Variants in NOL6 observed in about 807,000 individuals in gnomAD.
The protein encoded by NOL6 is nucleolar RNA-associated protein.
Under a neutral mutation model 131.7 loss-of-function variants are expected in NOL6, and 33 were observed. The observed-to-expected ratio is 0.25, with a 90% CI of 0.19 to 0.33. The LOEUF (loss-of-function observed/expected upper bound fraction) is 0.33. Ranked by LOEUF, NOL6 falls within the 10% of genes least tolerant of loss-of-function variation. NOL6 has a pLI of 1.00. For synonymous variants in NOL6, 580 were observed against 605.7 expected, an observed-to-expected ratio of 0.96 and a Z score of 0.62; for missense variants, 1,297 against 1,494.5, an observed-to-expected ratio of 0.87 and a Z score of 2.18.
chr9:33,473,725 C>G (rs1464996180), intron 1 of NOL6, 64 bp downstream of exon 1: 6 of 1,582,868 alleles, frequency 3.8e-6, no homozygotes, highest in Non-Finnish European at 4.3e-6. Flanking sequence ...ATCACGCCAT[C>G]TCGGGCCCTG....
intron 23 of NOL6, 81 bp downstream of exon 23, chr9:33,463,750 C>G: frequency 6.9e-7 from 1 of 1,439,206 alleles, no homozygotes; most frequent in Non-Finnish European, 9.7e-7. Context: ...GGGACCGGGT[C>G]TCCTGTGAGA....
In NOL6 at chr9:33,468,022, A is replaced by G. The variant is rs767456903; in HGVS notation, c.1424+8T>C. 29 of 1,613,964 alleles carry G rather than the reference A, an allele frequency of 1.8e-5. No individual in the cohort carries two copies. The South Asian group carries it at 2.2e-4, about 12-fold the overall frequency. On this transcript the variant is annotated splice_region_variant and intron_variant, in intron 11 of 25. Transcript: ENST00000297990. ...CCCGCCAACATACCCTGTCACCCCT[A>G]AACTCACTGCAGGACATGGTCAAAA... is the stretch of plus-strand genomic sequence containing the variant.
chr9:33,465,589 C>G lies in NOL6; in HGVS notation c.2528+145G>C. On this transcript the variant is annotated intron_variant, in intron 19 of 25. Coordinates refer to ENST00000297990, the MANE Select transcript of NOL6 (RefSeq NM_022917.5). ...GGGTCACAGTCAGTAAGTGGCAGAG[C>G]CAGGATTCCAGAACCTGCCTGACTC... is the stretch of plus-strand genomic sequence containing the variant. 2.8e-6 allele frequency: 3 copies of G among 1,055,426 alleles called. No homozygotes were observed. The South Asian group carries it at 5.0e-5, about 18-fold the overall frequency. The allele number at this position is 1,055,426 out of a possible 1,614,324, so 65.4% of individuals were successfully genotyped here. A position where few individuals can be genotyped will look rare whatever the true frequency, so the allele number is the denominator to read the frequency against.
Position 33,472,234 on chromosome 9 carries a change from A to G in NOL6, c.233T>C (p.Leu78Ser). Residue 78 changes from leucine (L) to serine (S), a missense_variant, in exon 2 of 26, where the codon TTG becomes TCG. By Grantham distance (145) the Leu-to-Ser change is moderately radical. Coordinates refer to ENST00000297990, the MANE Select transcript of NOL6 (RefSeq NM_022917.5). ...TAAACGAAGCAAGCTGGAGTGGAAC[A>G]AGATCTCAGTCTCCCGAAGGCGATT... is the stretch of plus-strand genomic sequence containing the variant. Reference protein sequence around the residue: ...ELNRLRETEILFHSSLLRLQV... With the variant: ...ELNRLRETEISFHSSLLRLQV... 1.2e-6 allele frequency: 2 copies of G among 1,614,234 alleles called. No individual in the cohort carries two copies. Among genetic ancestry groups the G allele is most frequent in the Non-Finnish European group, 1.7e-6 (2 of 1,180,036 alleles).
chr9:33,465,467 C>A, intron 19 of NOL6, 108 bp from the exon 20 acceptor site: 3 of 1,266,802 alleles, frequency 2.4e-6, no homozygotes, highest in Non-Finnish European at 3.2e-6. Context: ...TATGTAATCT[C>A]ATATTCTCTT....
rs370915912 is a variant in NOL6 at position 33,470,057 on chromosome 9, G to A, written c.513C>T (p.Cys171=). 139 of 1,612,064 alleles carry A rather than the reference G, an allele frequency of 8.6e-5. 3 individuals carry two copies. The South Asian group carries it at 1.4e-3, about 16-fold the overall frequency. Reference sequence around the variant, plus strand: ...CATCCACATTGATGTCTGGTCGGATGCAGGTGCCCAGAAGGTAGCTGCCCA... The same window carrying A: ...CATCCACATTGATGTCTGGTCGGATACAGGTGCCCAGAAGGTAGCTGCCCA... The part of the protein sequence containing the change: ...TVVGSYLLGT[C]IRPDINVDVA... The change falls in exon 4 of 26, where the codon TGC becomes TGT. Residue 171 remains cysteine, a synonymous_variant. Coordinates refer to ENST00000297990, the MANE Select transcript of NOL6 (RefSeq NM_022917.5).
chr9:33,472,435 C>A (rs750876746), intron 1 of NOL6, 23 bp from the exon 2 acceptor site: 2 of 1,599,110 alleles, frequency 1.3e-6, no homozygotes, highest in Admixed American at 3.4e-5. Flanking sequence ...AGGGAGAAGC[C>A]ATTTTGAGGT....
At chr9:33,468,447 G>A (rs749969841) in intron 9 of NOL6, 25 bp from the exon 10 acceptor site, 4 of 1,613,912 alleles carry the variant, frequency 2.5e-6, no homozygotes, top group South Asian at 1.1e-5. Context: ...AGAGAAGCAG[G>A]TCAGGATTGG....
At chr9:33,463,001 C>A (rs1321018928) in intron 25 of NOL6, 32 bp downstream of exon 25, 1 of 1,598,986 alleles carries the variant, frequency 6.3e-7, no homozygotes, top group Non-Finnish European at 8.6e-7. Context: ...CGTGCACACA[C>A]TCAGGAACAC....
chr9:33,468,031 G>A lies in NOL6; in HGVS notation c.1423C>T (p.His475Tyr). The change falls in exon 11 of 26, where the codon CAT (histidine) becomes TAT (tyrosine). Residue 475 changes from histidine (H) to tyrosine (Y), a missense_variant and splice_region_variant. Physicochemically the swap from His to Tyr is moderately conservative, Grantham distance 83. Transcript: ENST00000297990. ...ATACCCTGTCACCCCTAAACTCACT[G>A]CAGGACATGGTCAAAAGCCCGGATC... is the stretch of plus-strand genomic sequence containing the variant. ...PMIRAFDHVLHLRPLSRLQAA... is the reference protein window; with the variant it reads ...PMIRAFDHVLYLRPLSRLQAA... The A allele has an allele frequency of 6.2e-7, 1 of 1,614,116 alleles. No individual in the cohort carries two copies. Among genetic ancestry groups the A allele is most frequent in the Non-Finnish European group, 8.5e-7 (1 of 1,180,038 alleles).
At chr9:33,472,483 T>C in intron 1 of NOL6, 71 bp from the exon 2 acceptor site, 1 of 1,251,718 alleles carries the variant, frequency 8.0e-7, no homozygotes, top group Non-Finnish European at 1.1e-6. Context: ...AGTGCCACCA[T>C]GATAGGTTGT....
chr9:33,462,928 C>T, intron 25 of NOL6, 105 bp downstream of exon 25: 1 of 1,542,598 alleles, frequency 6.5e-7, no homozygotes, highest in South Asian at 1.2e-5. Context: ...ATACACTCCG[C>T]ACCTGACACG....
At position 33,467,672 on chromosome 9, in the gene NOL6, C is replaced by T. The variant is rs1827284306; in HGVS notation, c.1602+19G>A. 2.6e-6 allele frequency: 4 copies of T among 1,547,418 alleles called. No homozygotes were observed. Among genetic ancestry groups the T allele is most frequent in the Admixed American group, 1.9e-5 (1 of 51,316 alleles). ...CCAGCCCAACTCAGACCCAAACTCCCCAACCTACACCACCTCACCTCTGGG... is the reference window on the plus strand; with the variant it reads ...CCAGCCCAACTCAGACCCAAACTCCTCAACCTACACCACCTCACCTCTGGG... On this transcript the variant is annotated intron_variant, in intron 12 of 25. Transcript: ENST00000297990. This position sits in a 1 kb window ranked among gnomAD's most constrained non-coding sequence, Gnocchi z 4.4.
chr9:33,463,904 A>G lies in NOL6; in HGVS notation c.2921T>C (p.Val974Ala), dbSNP rs773905012. The change falls in exon 23 of 26, where the codon GTG becomes GCG. Residue 974 changes from valine to alanine, a missense_variant. Coordinates refer to ENST00000297990, the MANE Select transcript of NOL6 (RefSeq NM_022917.5). Reference protein sequence around the residue: ...GPSAQILQQLVVLAAEALPML... With the variant: ...GPSAQILQQLAVLAAEALPML... The stretch of plus-strand genomic sequence containing the variant: ...GGGCAGGGCTTCAGCTGCCAGGACC[A>G]CAAGCTGCTGCAGGATCTGCGGGGT... The G allele has an allele frequency of 3.1e-6, 5 of 1,614,126 alleles. No homozygotes were observed. The highest frequency in any genetic ancestry group is 3.4e-6 in the Non-Finnish European group (4 of 1,180,016).
At position 33,469,293 on chromosome 9, in the gene NOL6, G is replaced by A; in HGVS notation, c.776C>T (p.Pro259Leu). 1 of 1,614,200 alleles carries A rather than the reference G, an allele frequency of 6.2e-7. No homozygotes were observed. The highest frequency in any genetic ancestry group is 8.5e-7 in the Non-Finnish European group (1 of 1,180,028). ...VTVRLHPCPP[P>L]DFFRPCRLLP... ...CAAGCGGCACGGGCGGAAGAAGTCA[G>A]GTGGAGGGCACGGATGCAGACGTAC... Residue 259 changes from proline to leucine, a missense_variant, in exon 6 of 26, where the codon CCT (proline) becomes CTT (leucine). Pro to Leu is a moderately conservative substitution (Grantham distance 98). Coordinates refer to ENST00000297990, the MANE Select transcript of NOL6 (RefSeq NM_022917.5).
In NOL6 at chr9:33,466,858, CT is replaced by C. The variant is rs1587219382; in HGVS notation, c.1950+53del. The C allele has an allele frequency of 2.5e-6, 4 of 1,591,148 alleles. No individual in the cohort carries two copies. The East Asian group carries it at 9.0e-5, about 36-fold the overall frequency. Reference sequence around the variant, plus strand: ...AGCTGGCCAAGGCTGAGAGGACTCTCTCCCCGCAGATTGATTACTCTACAAT... The same window carrying C: ...AGCTGGCCAAGGCTGAGAGGACTCTCCCCCGCAGATTGATTACTCTACAAT... On this transcript the variant is annotated intron_variant, in intron 15 of 25. Coordinates refer to ENST00000297990, the MANE Select transcript of NOL6 (RefSeq NM_022917.5).
In NOL6 at chr9:33,472,103, C is replaced by T. The variant is rs1234595135; in HGVS notation, c.279G>A (p.Lys93=). ...TCTTCTTCTCTGACAGCCTTACTTC[C>T]TTTAGTAGCTCCTCTACCTGTAAGA... ...LLRLQVEELL[K]EVRLSEKKKD... The change falls in exon 3 of 26, where the codon AAG becomes AAA. Residue 93 remains lysine (K), a synonymous_variant. Transcript: ENST00000297990. The T allele has an allele frequency of 4.3e-6, 7 of 1,614,072 alleles. No homozygotes were observed. The highest frequency in any genetic ancestry group is 5.1e-6 in the Non-Finnish European group (6 of 1,180,028).
Position 33,472,604 on chromosome 9 carries a change from CTTGAG to C in NOL6, c.55-197_55-193del, listed in dbSNP as rs1224980279. ...TCACTGAGCGCTGAGCCGAAAATTCCTTGAGTTAAGAGCTCTCCTGTCTACCTGAC... is the reference window on the plus strand; with the variant it reads ...TCACTGAGCGCTGAGCCGAAAATTCCTTAAGAGCTCTCCTGTCTACCTGAC... On this transcript the variant is annotated intron_variant, in intron 1 of 25. Transcript: ENST00000297990. The C allele has an allele frequency of 2.6e-5, 16 of 606,016 alleles. No individual in the cohort carries two copies. In the East Asian group the frequency reaches 3.9e-4, roughly 15 times the overall value. 37.5% of individuals were successfully genotyped at this position (606,016 alleles called of 1,614,324 possible). A position where few individuals can be genotyped will look rare whatever the true frequency, so the allele number is the denominator to read the frequency against.
At chr9:33,471,853 A>T in intron 3 of NOL6, 151 bp downstream of exon 3, 1 of 694,000 alleles carries the variant, frequency 1.4e-6, no homozygotes, top group Non-Finnish European at 2.6e-6. Context: ...ATGAATACAC[A>T]AATGACCACG....
Sources: allele counts gnomAD v4.1 joint callset, GRCh38; gene constraint gnomAD v4.1.1; non-coding constraint Gnocchi (gnomAD v3.1); transcripts MANE v1.5; gene names NCBI Gene and HGNC (gene_info 2026-07-23, HGNC 2026-07-21).